SSUH2: variants seen among roughly 807,000 people sequenced by gnomAD.
The protein encoded by SSUH2 is protein SSUH2 homolog.
SSUH2 carries 47 observed loss-of-function variants against 55.3 expected under a neutral mutation model. The observed-to-expected ratio is 0.85, with a 90% CI of 0.67 to 1.08. SSUH2 has a LOEUF of 1.08. Ranked by LOEUF, SSUH2 falls within the 50% of genes least tolerant of loss-of-function variation. The pLI, the probability that SSUH2 is intolerant of heterozygous loss-of-function variation, is 0.00. For missense variants in SSUH2, 535 were observed against 490.7 expected, an observed-to-expected ratio of 1.09 and a Z score of -0.85; for synonymous variants, 212 against 191.5, an observed-to-expected ratio of 1.11 and a Z score of -0.89.
In SSUH2 at chr3:8,633,748, A is replaced by G. The variant is rs1559362916; in HGVS notation, c.257T>C (p.Phe86Ser). The G allele has an allele frequency of 6.2e-7, 1 of 1,607,876 alleles. No homozygotes were observed. The highest frequency in any genetic ancestry group is 1.1e-5 in the South Asian group (1 of 90,660). The change falls in exon 4 of 12, where the codon TTT becomes TCT. Residue 86 changes from phenylalanine to serine, a missense_variant. Coordinates refer to ENST00000544814, the MANE Select transcript of SSUH2 (RefSeq NM_001256748.3). ...GCTGTAGCAGCACTTAGAGTCCACA[A>G]AGCTGAGGAGGGCTTCCCGGGCCAC... ...EEVAREALLS[F>S]VDSKCCYSST...
chr3:8,676,845 C>A (rs1409301776), intron 3 of SSUH2, among the ~76,000 whole-genome samples: 1 of 124,328 alleles, frequency 8.0e-6, no homozygotes, highest in African/African-American at 3.0e-5. Flanking sequence ...CCCACCTGGC[C>A]CTTAGGACCC....
chr3:8,641,435 G>T (rs555235024), intron 1 of SSUH2, among the ~76,000 whole-genome samples: 7 of 152,324 alleles, frequency 4.6e-5, no homozygotes, highest in African/African-American at 1.7e-4. Flanking sequence ...AGGGAGTAGG[G>T]TCACTGAGAG....
intron 3 of SSUH2, among the ~76,000 whole-genome samples, chr3:8,675,655 A>G (rs11131143): frequency 0.14 from 21,670 of 152,098 alleles, 1,723 homozygotes; most frequent in East Asian, 0.24. Context: ...CAGGCGAGAG[A>G]CTTCTTAGGA....
Position 8,680,026 on chromosome 3 carries a change from A to AC in SSUH2, c.-1045-178_-1045-177insG, listed in dbSNP as rs548070876. On this transcript the variant is annotated intron_variant, in intron 1 of 18. Transcript: ENST00000317371. ...CAAGTCTTTCATGAGTTAAGGGAAAAACTTCCAGCAGCCCCAGCCCTGGGG... is the reference window on the plus strand; with the variant it reads ...CAAGTCTTTCATGAGTTAAGGGAAAACACTTCCAGCAGCCCCAGCCCTGGGG... Among the ~76,000 whole-genome samples, 342 of 151,984 alleles carry AC rather than the reference A, an allele frequency of 2.3e-3. 5 individuals are homozygous for AC. The highest frequency in any genetic ancestry group is 7.6e-3 in the African/African-American group (314 of 41,492).
chr3:8,628,227 C>T (rs1697997134), intron 7 of SSUH2, among the ~76,000 whole-genome samples: 3 of 152,158 alleles, frequency 2.0e-5, no homozygotes, highest in Admixed American at 6.5e-5. Flanking sequence ...CTGGGACCCA[C>T]AGGCAGTGCA....
rs1382228226 is a variant in SSUH2 at position 8,681,167 on chromosome 3, G to A, written c.-1046+724C>T. Among the ~76,000 whole-genome samples, 3 of 138,762 alleles carry A rather than the reference G, an allele frequency of 2.2e-5. 1 individual carries two copies. The Admixed American group carries it at 2.2e-4, about 10-fold the overall frequency. 91.0% of individuals were successfully genotyped at this position (138,762 alleles called of 152,430 possible). The stretch of plus-strand genomic sequence containing the variant: ...CTCTTAGGACTTCCATAGCAGGGGG[G>A]GGAGTCACCCCATGCAAGGCGGGGA... On this transcript the variant is annotated intron_variant, in intron 1 of 18. Coordinates refer to the SSUH2 transcript ENST00000317371.
chr3:8,657,826 C>T (rs1031638318), intron 7 of SSUH2, among the ~76,000 whole-genome samples: 3 of 152,228 alleles, frequency 2.0e-5, no homozygotes, highest in African/African-American at 7.2e-5. Context: ...CAGCAGAGAA[C>T]CAGGCATGGC....
intron 9 of SSUH2, 101 bp downstream of exon 9, chr3:8,626,128 G>T: frequency 1.1e-6 from 1 of 929,638 alleles, no homozygotes; most frequent in Non-Finnish European, 1.7e-6. Flanking sequence ...TTCTTGCACT[G>T]TGAAAGCCCC....
At chr3:8,640,044 C>T in intron 1 of SSUH2, 1 of 976,846 alleles carries the variant, frequency 1.0e-6, no homozygotes, top group Non-Finnish European at 1.2e-6. Flanking sequence ...CTCACACACA[C>T]AAAGTAGAGT....
chr3:8,678,022 C>T lies in SSUH2; in HGVS notation c.-900-669G>A, dbSNP rs140972466. Among the ~76,000 whole-genome samples the T allele has an allele frequency of 2.8e-3, 417 of 151,262 alleles. 8 individuals are homozygous for T. The highest frequency in any genetic ancestry group is 0.01 in the Middle Eastern group (3 of 292). ...ATAACAGGGGTTTTTCTACTCCCTGCGATATCGCGTGTCATATCCTCCTCT... is the reference window on the plus strand; with the variant it reads ...ATAACAGGGGTTTTTCTACTCCCTGTGATATCGCGTGTCATATCCTCCTCT... On this transcript the variant is annotated intron_variant, in intron 2 of 18. Coordinates refer to the SSUH2 transcript ENST00000317371.
At chr3:8,663,398 G>C (rs1703686377) in intron 6 of SSUH2, among the ~76,000 whole-genome samples, 1 of 152,240 alleles carries the variant, frequency 6.6e-6, no homozygotes, top group African/African-American at 2.4e-5. Flanking sequence ...GAAGTGCCTG[G>C]AACTGAAACT....
chr3:8,678,741 A>C lies in SSUH2; in HGVS notation c.-901+964T>G, dbSNP rs181038110. Among the ~76,000 whole-genome samples, 61 of 17,708 alleles carry C rather than the reference A, an allele frequency of 3.4e-3. 3 individuals are homozygous for C. The highest frequency in any genetic ancestry group is 6.3e-3 in the African/African-American group (24 of 3,792). The allele number at this position is 17,708 out of a possible 152,430, so 11.6% of individuals were successfully genotyped here. On this transcript the variant is annotated intron_variant, in intron 2 of 18. Transcript: ENST00000317371. ...CCCCAACGTGGGGGGGGGAGGCACCACACGCGAGGCGGGGAAAGAGAGCCA... is the reference window on the plus strand; with the variant it reads ...CCCCAACGTGGGGGGGGGAGGCACCCCACGCGAGGCGGGGAAAGAGAGCCA...
Position 8,635,817 on chromosome 3 carries a change from C to A in SSUH2, c.69G>T (p.Ala23=), listed in dbSNP as rs139260814. The part of the protein sequence containing the change: ...DLSFEAESPL[A]PPTELLERLP... The stretch of plus-strand genomic sequence containing the variant: ...GTCTCTCCAGGAGCTCTGTGGGGGG[C>A]GCCAGAGGACTCTCGGCCTCAAAAC... Residue 23 remains alanine, a synonymous_variant, in exon 2 of 12, where the codon GCG becomes GCT. Coordinates refer to ENST00000544814, the MANE Select transcript of SSUH2 (RefSeq NM_001256748.3). 1 of 1,535,988 alleles carries A rather than the reference C, an allele frequency of 6.5e-7. No individual in the cohort carries two copies. The highest frequency in any genetic ancestry group is 2.0e-5 in the Admixed American group (1 of 50,994).
At position 8,627,745 on chromosome 3, in the gene SSUH2, G is replaced by A. The variant is rs369427525; in HGVS notation, c.627C>T (p.Ala209=). The A allele has an allele frequency of 9.9e-6, 16 of 1,610,492 alleles. No individual in the cohort carries two copies. Among genetic ancestry groups the A allele is most frequent in the Non-Finnish European group, 1.4e-5 (16 of 1,178,478 alleles). The part of the protein sequence containing the change: ...CPSCCGAKRK[A]KQSRRCQLCA... Reference sequence around the variant, plus strand: ...ACAGCTGACATCTCCGGGACTGCTTGGCTTTGCGCTTGGCTCCGCAGCAGG... The same window carrying A: ...ACAGCTGACATCTCCGGGACTGCTTAGCTTTGCGCTTGGCTCCGCAGCAGG... The change falls in exon 8 of 12, where the codon GCC becomes GCT. Residue 209 remains alanine, a synonymous_variant. Transcript: ENST00000544814.
At chr3:8,639,340 C>T (rs1030701273) in intron 1 of SSUH2, among the ~76,000 whole-genome samples, 15 of 152,162 alleles carry the variant, frequency 9.9e-5, no homozygotes, top group African/African-American at 2.2e-4. Flanking sequence ...TTGTGCTTCA[C>T]GATAACCAGT....
chr3:8,625,001 C>T (rs1475304478), intron 10 of SSUH2, among the ~76,000 whole-genome samples: 2 of 152,212 alleles, frequency 1.3e-5, no homozygotes, highest in African/African-American at 2.4e-5. Context: ...CCAGCTGGAA[C>T]GACACTGCCA....
intron 8 of SSUH2, among the ~76,000 whole-genome samples, chr3:8,626,537 G>GCCCCCCCCCCC (rs58662232): frequency 9.3e-6 from 1 of 107,650 alleles, no homozygotes; most frequent in Non-Finnish European, 1.9e-5. Flanking sequence ...TCTAGGGCCT[G>GCCCCCCCCCCC]CCCCCCCCCC....
At chr3:8,650,887 G>A (rs383356) in intron 7 of SSUH2, among the ~76,000 whole-genome samples, 125,578 of 152,226 alleles carry the variant, frequency 0.82, 52,033 homozygotes, top group Middle Eastern at 0.88. Context: ...ACCAGTTTCT[G>A]TGGTTCCGGC....
Position 8,627,746 on chromosome 3 carries a change from G to A in SSUH2, c.626C>T (p.Ala209Val), listed in dbSNP as rs1363414365. 1.9e-6 allele frequency: 3 copies of A among 1,610,330 alleles called. No homozygotes were observed. The highest frequency in any genetic ancestry group is 2.7e-5 in the African/African-American group (2 of 74,760). Residue 209 changes from alanine (A) to valine (V), a missense_variant, in exon 8 of 12, where the codon GCC (alanine) becomes GTC (valine). Physicochemically the swap from Ala to Val is moderately conservative, Grantham distance 64. Coordinates refer to ENST00000544814, the MANE Select transcript of SSUH2 (RefSeq NM_001256748.3). ...CAGCTGACATCTCCGGGACTGCTTG[G>A]CTTTGCGCTTGGCTCCGCAGCAGGA... ...CPSCCGAKRKAKQSRRCQLCA... is the reference protein window; with the variant it reads ...CPSCCGAKRKVKQSRRCQLCA...
Sources: gnomAD v4.1 joint callset for allele counts (sites outside exome capture counted in the v4.1 genomes callset) on GRCh38, gnomAD v4.1.1 for gene constraint, MANE v1.5 for transcripts, NCBI Gene and HGNC (gene_info 2026-07-23, HGNC 2026-07-21) for gene names.